Variants in TTLL13 observed in about 807,000 individuals in gnomAD.
TTLL13 encodes tubulin polyglutamylase TTLL13.
At chr15:90,257,433 T>C in the TTLL13 span, 2 of 1,250,206 alleles carry the variant, frequency 1.6e-6, no homozygotes, top group Non-Finnish European at 2.2e-6. Context: ...AAGTGTTTGG[T>C]AGGTGGTGAA....
At chr15:90,260,404 A>G in the TTLL13 span, among the ~76,000 whole-genome samples, 28 of 151,876 alleles carry the variant, frequency 1.8e-4, no homozygotes, top group African/African-American at 5.8e-4. Flanking sequence ...GGCTGAGGTG[A>G]GAGGATGGCT....
At chr15:90,262,888 G>C in the TTLL13 span, 1 of 1,434,278 alleles carries the variant, frequency 7.0e-7, no homozygotes, top group African/African-American at 1.4e-5. Context: ...GAGTGGGCAG[G>C]AGGCCTGTAG....
the TTLL13 span, chr15:90,258,113 C>T: frequency 6.2e-7 from 1 of 1,614,170 alleles, no homozygotes; most frequent in Non-Finnish European, 8.5e-7. Context: ...ACATCGAGGA[C>T]ATCATCATCA....
the TTLL13 span, chr15:90,262,475 C>T: frequency 4.1e-6 from 6 of 1,465,304 alleles, no homozygotes; most frequent in Non-Finnish European, 5.4e-6. Context: ...CTGTCTGAAG[C>T]TGCTGTGTCT....
chr15:90,251,131 T>TTTTTTTTTTTTTA, the TTLL13 span, among the ~76,000 whole-genome samples: 4 of 145,570 alleles, frequency 2.7e-5, no homozygotes, highest in African/African-American at 7.7e-5. Flanking sequence ...TTTTTTTTTT[T>TTTTTTTTTTTTTA]GAGACAGAGT....
At chr15:90,262,183 G>A in the TTLL13 span, 1 of 1,528,746 alleles carries the variant, frequency 6.5e-7, no homozygotes, top group Non-Finnish European at 8.8e-7. Flanking sequence ...CCAGAGAGGA[G>A]TGTGCCAGGT....
At chr15:90,250,681 G>T in the TTLL13 span, 2 of 1,614,092 alleles carry the variant, frequency 1.2e-6, no homozygotes, top group Non-Finnish European at 1.7e-6. Context: ...ACTATGTTGA[G>T]GAAAAGGAAT....
the TTLL13 span, chr15:90,258,306 C>G: frequency 6.4e-7 from 1 of 1,573,126 alleles, no homozygotes; most frequent in African/African-American, 1.3e-5. Flanking sequence ...AAACCAAGGT[C>G]CAGAGGCCTC....
At chr15:90,265,182 G>T in the TTLL13 span, 1 of 1,321,618 alleles carries the variant, frequency 7.6e-7, no homozygotes, top group East Asian at 2.7e-5. Context: ...ATGAAGAGGC[G>T]CCAAGGCCAG....
the TTLL13 span, among the ~76,000 whole-genome samples, chr15:90,264,486 G>A: frequency 6.6e-6 from 1 of 152,122 alleles, no homozygotes; most frequent in African/African-American, 2.4e-5. Context: ...AATCCTTTCT[G>A]TACACTAGAC....
chr15:90,264,740 C>G, the TTLL13 span: 4 of 1,535,976 alleles, frequency 2.6e-6, no homozygotes, highest in Non-Finnish European at 3.5e-6. Flanking sequence ...CAGCAGAAGG[C>G]TAGAAGCCAT....
chr15:90,257,659 C>T, the TTLL13 span: 2 of 1,614,064 alleles, frequency 1.2e-6, no homozygotes, highest in African/African-American at 2.7e-5. Context: ...ATGCACCTGA[C>T]CAACTATGCT....
At chr15:90,261,017 C>T in the TTLL13 span, among the ~76,000 whole-genome samples, 4 of 151,788 alleles carry the variant, frequency 2.6e-5, no homozygotes, top group Non-Finnish European at 5.9e-5. Context: ...TTATGGAAGG[C>T]TTTATCTTCT....
At chr15:90,254,800 C>A in the TTLL13 span, among the ~76,000 whole-genome samples, 1 of 150,894 alleles carries the variant, frequency 6.6e-6, no homozygotes, top group Non-Finnish European at 1.5e-5. Flanking sequence ...GAGCTGAGAT[C>A]ACACCACTGC....
chr15:90,258,815 G>A, the TTLL13 span: 37 of 1,614,100 alleles, frequency 2.3e-5, no homozygotes, highest in Non-Finnish European at 3.0e-5. Flanking sequence ...TCTCTGTGAT[G>A]CTATGACCCT....
At chr15:90,256,604 T>TCTTC in the TTLL13 span, among the ~76,000 whole-genome samples, 3 of 34,706 alleles carry the variant, frequency 8.6e-5, no homozygotes, top group Non-Finnish European at 1.7e-4. Flanking sequence ...TTTCTTTCTT[T>TCTTC]CTTTCCTTCC....
At chr15:90,260,868 A>T in the TTLL13 span, among the ~76,000 whole-genome samples, 1 of 150,126 alleles carries the variant, frequency 6.7e-6, no homozygotes, top group Non-Finnish European at 1.5e-5. Context: ...AAAAAAAAAA[A>T]GAGAGAAAGA....
the TTLL13 span, chr15:90,258,194 A>T: frequency 2.5e-6 from 4 of 1,614,244 alleles, no homozygotes; most frequent in Non-Finnish European, 3.4e-6. Context: ...ATCTGAATGG[A>T]GGTACATGTG....
At chr15:90,250,353 C>T in the TTLL13 span, among the ~76,000 whole-genome samples, 4 of 152,160 alleles carry the variant, frequency 2.6e-5, no homozygotes, top group Admixed American at 6.5e-5. Context: ...TGAAGGCACC[C>T]CTGTGCGTTG....
Sources: allele counts gnomAD v4.1 joint callset (sites outside exome capture counted in the v4.1 genomes callset), GRCh38; gene constraint gnomAD v4.1.1; transcripts MANE v1.5; gene names NCBI Gene and HGNC (gene_info 2026-07-23, HGNC 2026-07-21).